PSG3: variants seen among roughly 807,000 people sequenced by gnomAD.
PSG3 encodes pregnancy specific beta-1-glycoprotein 3.
PSG3 carries 61 observed loss-of-function variants against 47.5 expected under a neutral mutation model. The observed-to-expected ratio is 1.28, with a 90% CI of 1.05 to 1.59. PSG3 has a LOEUF of 1.59. PSG3 is among the 40% of genes most tolerant of loss of function. The pLI is 0.00. For synonymous variants in PSG3, 263 were observed against 198.4 expected, an observed-to-expected ratio of 1.33 and a Z score of -2.74; for missense variants, 756 against 524.0, an observed-to-expected ratio of 1.44 and a Z score of -4.32.
At chr19:42,722,202 A>T in intron 6 of PSG3, 112 bp from the exon 7 acceptor site, 1 of 398,266 alleles carries the variant, frequency 2.5e-6, no homozygotes. Context: ...TGACACTATG[A>T]TAACATATTT....
rs768346862 is a variant in PSG3, at chr19:42,729,118, C to G, written c.1243+5G>C. On this transcript the variant is annotated splice_donor_5th_base_variant and intron_variant, in intron 5 of 6. Transcript: ENST00000327495. ...CTATTGCCAAGCATGCTGGGATCCA[C>G]TTACCAGAGACTTTGACTGTCATGG... The G allele has an allele frequency of 6.2e-7, 1 of 1,614,004 alleles. No individual in the cohort carries two copies. Among genetic ancestry groups the G allele is most frequent in the South Asian group, 1.1e-5 (1 of 91,074 alleles).
chr19:42,739,099 G>A lies in PSG3; in HGVS notation c.65-10C>T, dbSNP rs12185501. On this transcript the variant is annotated splice_polypyrimidine_tract_variant and intron_variant, in intron 1 of 6. Transcript: ENST00000327495. ...AAGTTTAAAAGTAATGCTAGGAGGT[G>A]GAGAGAGCATCAGTCAATATTGAGA... The A allele has an allele frequency of 0.076, 120,311 of 1,574,380 alleles. 7,396 individuals carry two copies. The highest frequency in any genetic ancestry group is 0.29 in the African/African-American group (21,000 of 73,136).
intron 5 of PSG3, among the ~76,000 whole-genome samples, chr19:42,728,395 C>A (rs1349640968): frequency 1.3e-5 from 2 of 152,332 alleles, no homozygotes; most frequent in South Asian, 4.1e-4. Flanking sequence ...GTCCTCCGTG[C>A]TGTGTCCCAG....
At chr19:42,734,033 A>T (rs1326504733) in intron 2 of PSG3, 1 of 152,144 alleles carries the variant, frequency 6.6e-6, no homozygotes, top group Non-Finnish European at 1.5e-5. Flanking sequence ...TCTGAATTTG[A>T]CTACTCTATG....
Position 42,730,930 on chromosome 19 carries a change from A to G in PSG3, c.710-874T>C, listed in dbSNP as rs1157091357. ...ATGAACTGCTGGAAATCTGGTCCTC[A>G]TGGACCATATGTGTTTGATGGATAT... is the stretch of plus-strand genomic sequence containing the variant. On this transcript the variant is annotated intron_variant, in intron 3 of 6. Transcript: ENST00000327495. Among the ~76,000 whole-genome samples, 4 of 152,364 alleles carry G rather than the reference A, an allele frequency of 2.6e-5. No homozygotes were observed. The East Asian group carries it at 5.8e-4, about 22-fold the overall frequency.
intron 2 of PSG3, among the ~76,000 whole-genome samples, chr19:42,737,822 C>G (rs1170733248): frequency 6.6e-6 from 1 of 152,158 alleles, no homozygotes; most frequent in East Asian, 1.9e-4. Flanking sequence ...AGTTTTCTCT[C>G]AAACAAATAA....
chr19:42,730,129 G>C, intron 3 of PSG3, 73 bp from the exon 4 acceptor site: 1 of 1,588,602 alleles, frequency 6.3e-7, no homozygotes, highest in Non-Finnish European at 8.6e-7. Flanking sequence ...TTCAATCAGA[G>C]TTGGCATCTC....
intron 5 of PSG3, among the ~76,000 whole-genome samples, chr19:42,727,002 C>T (rs889334499): frequency 3.3e-5 from 5 of 152,134 alleles, no homozygotes; most frequent in African/African-American, 4.8e-5. Context: ...TGATTTTCAT[C>T]GAGTGTGCCA....
chr19:42,737,902 T>A (rs1012207847), intron 2 of PSG3, among the ~76,000 whole-genome samples: 1 of 152,246 alleles, frequency 6.6e-6, no homozygotes, highest in Non-Finnish European at 1.5e-5. Context: ...CACAGTCACG[T>A]GACCTAATTC....
At chr19:42,725,685 C>G (rs1191504091) in intron 5 of PSG3, among the ~76,000 whole-genome samples, 8 of 151,568 alleles carry the variant, frequency 5.3e-5, no homozygotes, top group South Asian at 2.1e-4. Context: ...CTGGGGAGAC[C>G]CTGTCTCTAC....
At chr19:42,734,195 C>T (rs532850084) in intron 2 of PSG3, 89 of 152,118 alleles carry the variant, frequency 5.9e-4, no homozygotes, top group African/African-American at 1.9e-3. Context: ...CAGCTTCATG[C>T]CTATAGTTCA....
In PSG3 at chr19:42,740,456, T is replaced by A; in HGVS notation, c.-72A>T. 6.2e-7 allele frequency: 1 copy of A among 1,612,974 alleles called. No homozygotes were observed. Among genetic ancestry groups the A allele is most frequent in the East Asian group, 2.2e-5 (1 of 44,866 alleles). ...TCCAGAAACTTCCTGAGCATGGCTCTCAGCTGTGCTGTCCTTCCTCCTTCT... is the reference window on the plus strand; with the variant it reads ...TCCAGAAACTTCCTGAGCATGGCTCACAGCTGTGCTGTCCTTCCTCCTTCT... On this transcript the variant is annotated 5_prime_UTR_variant, in exon 1 of 7. Coordinates refer to ENST00000327495, the MANE Select transcript of PSG3 (RefSeq NM_021016.4).
rs970019141 is a variant in PSG3, at chr19:42,732,829, G to T, written c.664C>A (p.Pro222Thr). 1.9e-6 allele frequency: 3 copies of T among 1,614,040 alleles called. No homozygotes were observed. Among genetic ancestry groups the T allele is most frequent in the African/African-American group, 2.7e-5 (2 of 74,922 alleles). Residue 222 changes from proline (P) to threonine (T), a missense_variant, in exon 3 of 7, where the codon CCA (proline) becomes ACA (threonine). By Grantham distance (38) the Pro-to-Thr change is conservative. Coordinates refer to ENST00000327495, the MANE Select transcript of PSG3 (RefSeq NM_021016.4). ...GGGTCACTGCGGCTGGCACTCACTG[G>T]GTTCCGTATTTCACATTCATAGGGT... is the stretch of plus-strand genomic sequence containing the variant. ...AGPYECEIRN[P>T]VSASRSDPVT...
chr19:42,736,255 A>G (rs985476858), intron 2 of PSG3, among the ~76,000 whole-genome samples: 3 of 152,232 alleles, frequency 2.0e-5, no homozygotes, highest in African/African-American at 7.2e-5. Flanking sequence ...GCTCCTATAG[A>G]TAACATCACT....
intron 3 of PSG3, among the ~76,000 whole-genome samples, chr19:42,730,988 T>C (rs567664403): frequency 1.9e-4 from 29 of 152,334 alleles, no homozygotes; most frequent in African/African-American, 6.5e-4. Flanking sequence ...TTGCAAATAT[T>C]TTCTTTCATT....
chr19:42,736,210 CGTT>C (rs1390167809), intron 2 of PSG3, among the ~76,000 whole-genome samples: 1 of 152,150 alleles, frequency 6.6e-6, no homozygotes, highest in Admixed American at 6.5e-5. Context: ...GCTCAAATGT[CGTT>C]GGGCCAGAGT....
rs567675849 is a variant in PSG3 at position 42,734,813 on chromosome 19, A to T, written c.431-1751T>A. Among the ~76,000 whole-genome samples, 15 of 152,366 alleles carry T rather than the reference A, an allele frequency of 9.8e-5. No individual in the cohort carries two copies. The South Asian group carries it at 3.1e-3, about 32-fold the overall frequency. ...AAGAAGTGATGTGTGTTATGTTAGT[A>T]AATATAGAAAGAACCTGCTTCTAAT... On this transcript the variant is annotated intron_variant, in intron 2 of 6. Coordinates refer to ENST00000327495, the MANE Select transcript of PSG3 (RefSeq NM_021016.4).
chr19:42,732,659 G>C (rs371164972), intron 3 of PSG3, 125 bp downstream of exon 3: 22 of 1,607,000 alleles, frequency 1.4e-5, no homozygotes, highest in Non-Finnish European at 1.9e-5. Flanking sequence ...GAAAGTCATG[G>C]CCAGGTTTGA....
At chr19:42,739,785 G>A (rs1415808161) in intron 1 of PSG3, among the ~76,000 whole-genome samples, 3 of 152,032 alleles carry the variant, frequency 2.0e-5, no homozygotes, top group Admixed American at 6.6e-5. Context: ...TTTTCAAAAT[G>A]TGGTGGCCCC....
Sources: allele counts gnomAD v4.1 joint callset (sites outside exome capture counted in the v4.1 genomes callset), GRCh38; gene constraint gnomAD v4.1.1; transcripts MANE v1.5; gene names NCBI Gene and HGNC (gene_info 2026-07-23, HGNC 2026-07-21).